The following BACH2 variants were observed in gnomAD, a reference collection of about 807,000 sequenced individuals.
BACH2 encodes the protein BACH transcriptional regulator 2, also known as transcription regulator protein BACH2.
Under a neutral mutation model 61.8 loss-of-function variants are expected in BACH2, and 5 were observed. That is an observed-to-expected ratio of 0.08 (90% CI 0.04 to 0.17). BACH2 has a LOEUF of 0.17. BACH2 is among the 10% of genes least tolerant of loss of function. The probability of loss-of-function intolerance (pLI) is 1.00; values close to 1 mark genes in which losing one functional copy is unlikely to be tolerated. For synonymous variants in BACH2, 446 were observed against 440.1 expected (o/e 1.01, Z -0.17); for missense variants, 824 against 1,091.1 (o/e 0.76, Z 3.45).
chr6:90,276,626 A>T (rs1771700981), intron 1 of BACH2, among the ~76,000 whole-genome samples: 1 of 152,198 alleles, frequency 6.6e-6, no homozygotes, highest in Non-Finnish European at 1.5e-5. Flanking sequence ...CAAAAGAGTG[A>T]GAGAGAGAGG....
chr6:90,194,734 C>T (rs2127845735), intron 4 of BACH2, among the ~76,000 whole-genome samples: 2 of 152,308 alleles, frequency 1.3e-5, no homozygotes, highest in East Asian at 3.9e-4. Context: ...GAGGATGACA[C>T]TGAACAGCTT....
At chr6:89,985,297 C>G (rs1398904284) in intron 6 of BACH2, among the ~76,000 whole-genome samples, 1 of 152,098 alleles carries the variant, frequency 6.6e-6, no homozygotes, top group Non-Finnish European at 1.5e-5. Flanking sequence ...CTGAGGTGGC[C>G]ACCTGGGATT....
intron 4 of BACH2, among the ~76,000 whole-genome samples, chr6:90,103,567 A>G (rs192235572): frequency 2.0e-5 from 3 of 152,312 alleles, no homozygotes; most frequent in South Asian, 2.1e-4. Flanking sequence ...GGTGGTGCTA[A>G]GTTGAGTCAT....
chr6:90,284,960 A>G (rs1347589700), intron 1 of BACH2, among the ~76,000 whole-genome samples: 2 of 152,194 alleles, frequency 1.3e-5, no homozygotes, highest in Admixed American at 6.5e-5. Flanking sequence ...CAGAATGCTT[A>G]TTGAAACTTA....
chr6:90,280,352 G>T (rs1050587943), intron 1 of BACH2, among the ~76,000 whole-genome samples: 9 of 152,054 alleles, frequency 5.9e-5, no homozygotes, highest in African/African-American at 1.9e-4. Context: ...ATTCTTATAG[G>T]TGCCCAAATA....
chr6:90,138,057 CA>C (rs1784337194), intron 4 of BACH2, among the ~76,000 whole-genome samples: 1 of 122,112 alleles, frequency 8.2e-6, no homozygotes, highest in Admixed American at 8.3e-5. Flanking sequence ...TCATAAAACA[CA>C]CACACACACA....
intron 1 of BACH2, among the ~76,000 whole-genome samples, chr6:90,295,657 G>A (rs1212948464): frequency 8.7e-6 from 1 of 114,720 alleles, no homozygotes; most frequent in African/African-American, 3.4e-5. Flanking sequence ...AGTGTAGGGT[G>A]TGTGTGTGTG....
intron 5 of BACH2, among the ~76,000 whole-genome samples, chr6:90,037,326 T>C (rs1434861142): frequency 6.6e-6 from 1 of 152,224 alleles, no homozygotes; most frequent in Non-Finnish European, 1.5e-5. Context: ...CATCGCTTTA[T>C]GATGAAGATG....
chr6:90,144,150 T>C (rs987153229), intron 4 of BACH2, among the ~76,000 whole-genome samples: 13 of 152,220 alleles, frequency 8.5e-5, no homozygotes, highest in Admixed American at 6.5e-4. Context: ...ATAGAGATGA[T>C]TCATCTAGAG....
intron 1 of BACH2, among the ~76,000 whole-genome samples, chr6:90,284,416 G>A (rs896465574): frequency 6.6e-6 from 1 of 152,134 alleles, no homozygotes; most frequent in African/African-American, 2.4e-5. Flanking sequence ...CTTTGACAAT[G>A]ACTCACAGGG....
intron 5 of BACH2, among the ~76,000 whole-genome samples, chr6:90,084,742 A>G (rs939079260): frequency 6.6e-5 from 10 of 151,996 alleles, no homozygotes; most frequent in African/African-American, 2.2e-4. Flanking sequence ...TTTCAGTTAC[A>G]CCTTTTCCTT....
intron 5 of BACH2, among the ~76,000 whole-genome samples, chr6:90,070,044 T>C (rs2127801233): frequency 6.6e-6 from 1 of 152,292 alleles, no homozygotes; most frequent in East Asian, 1.9e-4. Flanking sequence ...GTTACTCTGC[T>C]GGGGGCTTTT....
At chr6:90,219,929 C>T (rs916192327) in intron 3 of BACH2, among the ~76,000 whole-genome samples, 1 of 152,054 alleles carries the variant, frequency 6.6e-6, no homozygotes, top group African/African-American at 2.4e-5. Flanking sequence ...TTTTTCTGCA[C>T]TAAGGGTTTG....
chr6:90,053,144 T>C (rs909772528), intron 5 of BACH2, among the ~76,000 whole-genome samples: 2 of 152,312 alleles, frequency 1.3e-5, no homozygotes, highest in South Asian at 2.1e-4. Context: ...CTTCCTCATA[T>C]ATAGGGAGTT....
intron 7 of BACH2, among the ~76,000 whole-genome samples, chr6:89,942,701 G>A (rs1197718591): frequency 1.3e-5 from 2 of 152,186 alleles, no homozygotes; most frequent in African/African-American, 4.8e-5. Context: ...CCACTCTTTA[G>A]CCAGGGGTCT....
At chr6:90,250,217 G>A (rs374645732) in intron 3 of BACH2, among the ~76,000 whole-genome samples, 2 of 152,164 alleles carry the variant, frequency 1.3e-5, no homozygotes, top group South Asian at 2.1e-4. Context: ...TTTAAAAAGC[G>A]AATCCTGTTT....
At chr6:90,269,209 A>G (rs184802208) in intron 2 of BACH2, among the ~76,000 whole-genome samples, 9 of 152,100 alleles carry the variant, frequency 5.9e-5, no homozygotes, top group Admixed American at 3.9e-4. Context: ...TGCAGATTCT[A>G]TTTAATAAAG....
In BACH2 at chr6:89,942,911, C is replaced by T. The variant is rs189819059; in HGVS notation, c.1837-4561G>A. 6.6e-5 allele frequency among the ~76,000 whole-genome samples: 10 copies of T among 152,312 alleles called. No individual in the cohort carries two copies. The East Asian group carries it at 1.2e-3, about 18-fold the overall frequency. On this transcript the variant is annotated intron_variant, in intron 7 of 8. Coordinates refer to ENST00000257749, the MANE Select transcript of BACH2 (RefSeq NM_021813.4). ...GCAGGACCGAGGTGGGTTTTTAGCA[C>T]GGTACCTGCCCTGTCCTGCTAAGCA...
Position 90,247,246 on chromosome 6 carries a change from CT to C in BACH2, c.-275+5266del, listed in dbSNP as rs1269813491. ...AAGTATCAATTTCTTTCTTCTTCTT[CT>C]TTTTTTTTTTTTTGTAGAGATGGTG... is the stretch of plus-strand genomic sequence containing the variant. On this transcript the variant is annotated intron_variant, in intron 3 of 8. Transcript: ENST00000257749. Among the ~76,000 whole-genome samples the C allele has an allele frequency of 6.9e-3, 973 of 140,948 alleles. 8 individuals carry two copies. Among genetic ancestry groups the C allele is most frequent in the African/African-American group, 0.019 (706 of 38,056 alleles). 92.5% of individuals were successfully genotyped at this position (140,948 alleles called of 152,430 possible). A position where few individuals can be genotyped will look rare whatever the true frequency, so the allele number is the denominator to read the frequency against.
Sources: allele counts gnomAD v4.1 joint callset (sites outside exome capture counted in the v4.1 genomes callset), GRCh38; gene constraint gnomAD v4.1.1; transcripts MANE v1.5; gene names NCBI Gene and HGNC (gene_info 2026-07-23, HGNC 2026-07-21).